CERS4: variants seen among roughly 807,000 people sequenced by gnomAD.
CERS4 encodes the protein ceramide synthase 4.
CERS4 carries 65 observed loss-of-function variants against 51.8 expected under a neutral mutation model. The ratio of observed to expected loss-of-function variants is 1.26; its 90% confidence interval spans 1.03 to 1.54. The LOEUF is 1.54. Among genes scored for constraint, CERS4 ranks in the 40% most tolerant of loss-of-function variants. The pLI is 0.00. For synonymous variants in CERS4, 228 were observed against 208.4 expected, an observed-to-expected ratio of 1.09 and a Z score of -0.81; for missense variants, 563 against 500.4, an observed-to-expected ratio of 1.13 and a Z score of -1.19.
At chr19:8,238,046 A>AC (rs1968351899) in intron 2 of CERS4, among the ~76,000 whole-genome samples, 1 of 150,724 alleles carries the variant, frequency 6.6e-6, no homozygotes. Context: ...ATCCCCCCCC[A>AC]CAATCCCTGC....
intron 2 of CERS4, chr19:8,238,469 G>C (rs529278450): frequency 1.0e-6 from 1 of 980,706 alleles, no homozygotes; most frequent in African/African-American, 1.7e-5. Context: ...GCTTGGGGCT[G>C]GTCTTGGGAA....
chr19:8,219,536 G>A (rs772444608), intron 2 of CERS4, among the ~76,000 whole-genome samples: 3 of 152,122 alleles, frequency 2.0e-5, no homozygotes, highest in Non-Finnish European at 1.5e-5. Flanking sequence ...CTGGGTGAGG[G>A]CTGGGCACAG....
intron 3 of CERS4, among the ~76,000 whole-genome samples, chr19:8,254,075 C>A (rs76415391): frequency 1.3e-5 from 2 of 151,820 alleles, no homozygotes; most frequent in African/African-American, 4.8e-5. Context: ...GTAATCCCAG[C>A]CCTCTGGGAG....
chr19:8,255,769 G>C (rs1473958035), intron 5 of CERS4, 44 bp downstream of exon 5: 2 of 1,585,528 alleles, frequency 1.3e-6, no homozygotes, highest in Non-Finnish European at 1.7e-6. Flanking sequence ...AAGCGGGCCG[G>C]GGTGGGGCGG....
chr19:8,257,246 C>A, intron 9 of CERS4, 169 bp downstream of exon 9: 1 of 703,740 alleles, frequency 1.4e-6, no homozygotes, highest in African/African-American at 1.8e-5. Flanking sequence ...GCTGATAAGG[C>A]CCCACCCCCT....
intron 2 of CERS4, among the ~76,000 whole-genome samples, chr19:8,236,771 G>A (rs1968279356): frequency 6.6e-6 from 1 of 151,574 alleles, no homozygotes; most frequent in Admixed American, 6.6e-5. Context: ...GGAGGCTAAG[G>A]CAGATGGATC....
intron 2 of CERS4, among the ~76,000 whole-genome samples, chr19:8,226,771 T>G (rs1160287259): frequency 6.6e-6 from 1 of 152,018 alleles, no homozygotes; most frequent in Non-Finnish European, 1.5e-5. Context: ...GGCAGGCGGA[T>G]TGCCTGAGGT....
In CERS4 at chr19:8,226,210, A is replaced by G. The variant is rs117851392; in HGVS notation, c.-2+15348A>G. ...GAGCAAGACTCTGTCTTAAAAAAAA[A>G]GAATGGTAACAGTATCTTCCTCAGG... On this transcript the variant is annotated intron_variant, in intron 2 of 11. Transcript: ENST00000251363. 1.4e-3 allele frequency among the ~76,000 whole-genome samples: 216 copies of G among 152,244 alleles called. 3 individuals are homozygous for G. Among genetic ancestry groups the G allele is most frequent in the Non-Finnish European group, 2.9e-3 (195 of 68,016 alleles).
intron 2 of CERS4, among the ~76,000 whole-genome samples, chr19:8,219,430 T>A (rs1251160427): frequency 6.6e-6 from 1 of 151,986 alleles, no homozygotes; most frequent in Non-Finnish European, 1.5e-5. Flanking sequence ...TTTGAGAGGC[T>A]GAGGCTCAAG....
At chr19:8,232,371 A>G (rs1007365604) in intron 2 of CERS4, among the ~76,000 whole-genome samples, 3 of 151,232 alleles carry the variant, frequency 2.0e-5, no homozygotes. Flanking sequence ...GCTCGCTGCA[A>G]CCTCTGCCTT....
chr19:8,232,788 C>G (rs2145213438), intron 2 of CERS4, among the ~76,000 whole-genome samples: 1 of 148,274 alleles, frequency 6.7e-6, no homozygotes, highest in African/African-American at 2.5e-5. Flanking sequence ...GTGGTGTGAT[C>G]ACAGCTCCCT....
At chr19:8,227,296 A>AAT (rs745629023) in intron 2 of CERS4, among the ~76,000 whole-genome samples, 1 of 152,040 alleles carries the variant, frequency 6.6e-6, no homozygotes, top group African/African-American at 2.4e-5. Flanking sequence ...AGTCACCCTT[A>AAT]ATATATATAC....
intron 2 of CERS4, among the ~76,000 whole-genome samples, chr19:8,245,118 A>ACAAAAAAAACAAAAAAAAAC (rs768473172): frequency 4.0e-5 from 5 of 124,094 alleles, no homozygotes; most frequent in South Asian, 5.2e-4. Flanking sequence ...TCTCAAAAAA[A>ACAAAAAAAACAAAAAAAAAC]AAAAAAAAAA....
At chr19:8,248,591 GGGTGAA>G (rs1968894183) in intron 2 of CERS4, among the ~76,000 whole-genome samples, 3 of 151,300 alleles carry the variant, frequency 2.0e-5, no homozygotes, top group Non-Finnish European at 4.4e-5. Context: ...ATGGATGGAT[GGGTGAA>G]TGGGTAGGTG....
intron 2 of CERS4, among the ~76,000 whole-genome samples, chr19:8,215,487 A>AAC (rs902631566): frequency 6.6e-6 from 1 of 151,502 alleles, no homozygotes; most frequent in African/African-American, 2.4e-5. Context: ...TCAAAAAAAA[A>AAC]AAAACAAAAA....
chr19:8,238,986 AGCT>A (rs2145237420), intron 2 of CERS4, among the ~76,000 whole-genome samples: 1 of 152,212 alleles, frequency 6.6e-6, no homozygotes. Context: ...CTGTAGTCCC[AGCT>A]GCTTGGAAGG....
chr19:8,261,850 G>A lies in CERS4; in HGVS notation c.1005+6G>A. On this transcript the variant is annotated splice_donor_region_variant and intron_variant, in intron 11 of 11. Transcript: ENST00000251363. ...GCTTCATGAAGAAGGGCCAGGTATG[G>A]CTGGACCTCCCCGGGGGCCCCAGCC... is the stretch of plus-strand genomic sequence containing the variant. The A allele has an allele frequency of 1.2e-6, 2 of 1,614,036 alleles. No individual in the cohort carries two copies. Among genetic ancestry groups the A allele is most frequent in the South Asian group, 2.2e-5 (2 of 91,086 alleles).
intron 2 of CERS4, among the ~76,000 whole-genome samples, chr19:8,233,377 G>A (rs1469540686): frequency 6.6e-6 from 1 of 151,916 alleles, no homozygotes; most frequent in Non-Finnish European, 1.5e-5. Flanking sequence ...ATGTTGGCCA[G>A]GCTGGTCTCA....
rs201324150 is a variant in CERS4 at position 8,255,889 on chromosome 19, C to T, written c.468+10C>T. ...CTCGGTCCTGTACCACGTGAGTATA[C>T]CAGAGTATAGCTGACTGCTCACCTG... On this transcript the variant is annotated intron_variant, in intron 6 of 11. Coordinates refer to ENST00000251363, the MANE Select transcript of CERS4 (RefSeq NM_024552.3). 2 of 1,613,578 alleles carry T rather than the reference C, an allele frequency of 1.2e-6. No homozygotes were observed. Among genetic ancestry groups the T allele is most frequent in the East Asian group, 4.5e-5 (2 of 44,882 alleles).
Sources: allele counts gnomAD v4.1 joint callset (sites outside exome capture counted in the v4.1 genomes callset), GRCh38; gene constraint gnomAD v4.1.1; transcripts MANE v1.5; gene names NCBI Gene and HGNC (gene_info 2026-07-23, HGNC 2026-07-21).